RASSF8: variants seen among roughly 807,000 people sequenced by gnomAD.
The protein encoded by RASSF8 is Ras association domain family member 8.
A neutral mutation model predicts 48.5 loss-of-function variants in RASSF8; 22 were observed. The observed-to-expected ratio is 0.45, with a 90% CI of 0.32 to 0.65. The LOEUF (loss-of-function observed/expected upper bound fraction) is 0.65. Among genes scored for constraint, RASSF8 ranks in the 30% least tolerant of loss-of-function variants. The probability of loss-of-function intolerance (pLI) is 0.03; values close to 1 mark genes in which losing one functional copy is unlikely to be tolerated. For synonymous variants in RASSF8, 127 were observed against 171.5 expected, an observed-to-expected ratio of 0.74 and a Z score of 2.03; for missense variants, 418 against 489.2, an observed-to-expected ratio of 0.85 and a Z score of 1.37.
chr12:25,963,505 C>T (rs1018865071), intron 1 of RASSF8, among the ~76,000 whole-genome samples: 1 of 152,124 alleles, frequency 6.6e-6, no homozygotes, highest in Non-Finnish European at 1.5e-5. Context: ...CTGCATTTTT[C>T]TCTTGACTTG....
At chr12:26,004,936 C>G (rs925851514) in intron 2 of RASSF8, among the ~76,000 whole-genome samples, 2 of 152,068 alleles carry the variant, frequency 1.3e-5, no homozygotes, top group African/African-American at 4.8e-5. Flanking sequence ...GAAGGGTCAC[C>G]TGAGGCCATG....
chr12:26,071,603 CCTT>C lies in RASSF8; in HGVS notation c.*2788_*2790del, dbSNP rs989430009. ...ATAGTGTCCATAGTCCCTTTCTTGT[CCTT>C]CTGAGATATTTTGGTTTGATAACAT... On this transcript the variant is annotated 3_prime_UTR_variant, in exon 6 of 6. Transcript: ENST00000689635. The C allele has an allele frequency of 2.0e-6, 2 of 984,956 alleles. No individual in the cohort carries two copies. Among genetic ancestry groups the C allele is most frequent in the African/African-American group, 1.7e-5 (1 of 57,200 alleles). The allele number at this position is 984,956 out of a possible 1,614,324, so 61.0% of individuals were successfully genotyped here. A position where few individuals can be genotyped will look rare whatever the true frequency, so the allele number is the denominator to read the frequency against.
intron 4 of RASSF8, among the ~76,000 whole-genome samples, chr12:26,067,280 A>G (rs1332212077): frequency 2.0e-5 from 3 of 152,206 alleles, no homozygotes; most frequent in Non-Finnish European, 4.4e-5. Flanking sequence ...GTTTATAGAC[A>G]TATTTATTTC....
rs760088159 is a variant in RASSF8 at position 26,068,765 on chromosome 12, A to G, written c.1207A>G (p.Ile403Val). 26 of 1,537,136 alleles carry G rather than the reference A, an allele frequency of 1.7e-5. No homozygotes were observed. In the Admixed American group the frequency reaches 2.0e-4, roughly 12 times the overall value. Reference protein sequence around the residue: ...SSRQLPSNLRILQNPISSGFN... With the variant: ...SSRQLPSNLRVLQNPISSGFN... ...TCGGCAGCTCCCCAGTAATCTCCGC[A>G]TTCTGCAGAATCCTATCTCATCTGG... The change falls in exon 6 of 6, where the codon ATT becomes GTT. Residue 403 changes from isoleucine (I) to valine (V), a missense_variant. Ile to Val is a conservative substitution (Grantham distance 29). Coordinates refer to ENST00000689635, the MANE Select transcript of RASSF8 (RefSeq NM_001394098.1).
Position 26,065,270 on chromosome 12 carries a change from AG to A in RASSF8, c.878del (p.Gly293GlufsTer18). ...EAQVNEEEVK[G>X]KIGKVKGEID... ...CACAGGTCAATGAGGAAGAGGTTAA[AG>A]GAAAGATCGGTAAGGTCAAAGGGGA... On this transcript the variant is annotated frameshift_variant, in exon 4 of 6. Coordinates refer to ENST00000689635, the MANE Select transcript of RASSF8 (RefSeq NM_001394098.1). LOFTEE classifies it high-confidence loss of function. The A allele has an allele frequency of 6.2e-7, 1 of 1,614,196 alleles. No individual in the cohort carries two copies. Among genetic ancestry groups the A allele is most frequent in the South Asian group, 1.1e-5 (1 of 91,076 alleles).
At chr12:26,008,660 G>C (rs1423153266) in intron 2 of RASSF8, among the ~76,000 whole-genome samples, 1 of 152,108 alleles carries the variant, frequency 6.6e-6, no homozygotes, top group Non-Finnish European at 1.5e-5. Context: ...TAATATTTGT[G>C]TTCTCATTTG....
chr12:25,975,901 G>A lies in RASSF8; in HGVS notation c.-203+16753G>A, dbSNP rs116692732. 8.6e-3 allele frequency among the ~76,000 whole-genome samples: 1,314 copies of A among 152,264 alleles called. 17 individuals are homozygous for A. The highest frequency in any genetic ancestry group is 0.029 in the African/African-American group (1,214 of 41,544). Reference sequence around the variant, plus strand: ...TGGTGGCTGACCCTGGAGCATGGATGTACAGAGTACCTTTGGGAAGCAGCA... The same window carrying A: ...TGGTGGCTGACCCTGGAGCATGGATATACAGAGTACCTTTGGGAAGCAGCA... On this transcript the variant is annotated intron_variant, in intron 1 of 5. Transcript: ENST00000689635.
chr12:25,964,812 AT>A (rs1941318564), intron 1 of RASSF8, among the ~76,000 whole-genome samples: 1 of 152,172 alleles, frequency 6.6e-6, no homozygotes, highest in Non-Finnish European at 1.5e-5. Flanking sequence ...AAATTTGTTC[AT>A]TTCTATGGGA....
intron 1 of RASSF8, among the ~76,000 whole-genome samples, chr12:25,984,492 A>T (rs187301604): frequency 2.6e-5 from 4 of 152,118 alleles, no homozygotes; most frequent in Non-Finnish European, 5.9e-5. Context: ...ACAGGCGCAC[A>T]CCGCTATGCC....
rs747676849 is a variant in RASSF8, at chr12:26,072,105, G to A, written c.*3287G>A. The A allele has an allele frequency of 5.7e-4, 560 of 985,366 alleles. 1 individual carries two copies. Among genetic ancestry groups the A allele is most frequent in the Non-Finnish European group, 6.4e-4 (528 of 829,872 alleles). 61.0% of individuals were successfully genotyped at this position (985,366 alleles called of 1,614,324 possible). A position where few individuals can be genotyped will look rare whatever the true frequency, so the allele number is the denominator to read the frequency against. ...CTTGGGCAGATGGACAGTTCCCATT[G>A]TGCATTGCCTTTGATAAATTTGGCC... On this transcript the variant is annotated 3_prime_UTR_variant, in exon 6 of 6. Coordinates refer to ENST00000689635, the MANE Select transcript of RASSF8 (RefSeq NM_001394098.1).
Position 26,012,769 on chromosome 12 carries a change from C to T in RASSF8, c.-109+17639C>T, listed in dbSNP as rs375139138. On this transcript the variant is annotated intron_variant, in intron 2 of 5. Transcript: ENST00000689635. ...GAACATAGCTCACTGGAGCCTTGAACTCCTGGGCTCCATCAGTCCTCCTGT... is the reference window on the plus strand; with the variant it reads ...GAACATAGCTCACTGGAGCCTTGAATTCCTGGGCTCCATCAGTCCTCCTGT... Among the ~76,000 whole-genome samples, 131 of 150,236 alleles carry T rather than the reference C, an allele frequency of 8.7e-4. No individual in the cohort carries two copies. In the Middle Eastern group the frequency reaches 0.024, roughly 27 times the overall value.
chr12:26,026,245 G>T (rs1942910204), intron 2 of RASSF8, among the ~76,000 whole-genome samples: 1 of 152,116 alleles, frequency 6.6e-6, no homozygotes, highest in South Asian at 2.1e-4. Flanking sequence ...TGTTTTTAGA[G>T]TATATAAGAA....
chr12:26,058,238 T>C (rs559253506), intron 3 of RASSF8, among the ~76,000 whole-genome samples: 6 of 152,370 alleles, frequency 3.9e-5, no homozygotes, highest in African/African-American at 9.6e-5. Flanking sequence ...AAATACTTCA[T>C]TGAACTCAGA....
intron 2 of RASSF8, among the ~76,000 whole-genome samples, chr12:26,001,975 T>C (rs1242706943): frequency 6.6e-6 from 1 of 152,192 alleles, no homozygotes; most frequent in Non-Finnish European, 1.5e-5. Flanking sequence ...ACTTGAGTAA[T>C]GAATGCATTG....
intron 2 of RASSF8, among the ~76,000 whole-genome samples, chr12:26,048,326 G>A (rs1174639173): frequency 6.6e-6 from 1 of 152,178 alleles, no homozygotes; most frequent in Non-Finnish European, 1.5e-5. Flanking sequence ...GCCTTCACCA[G>A]GTAGAACCAA....
At chr12:26,031,702 C>T (rs1943033585) in intron 2 of RASSF8, among the ~76,000 whole-genome samples, 1 of 152,122 alleles carries the variant, frequency 6.6e-6, no homozygotes. Flanking sequence ...CTTCTAAAGG[C>T]ACTTGTTAGG....
At chr12:26,038,608 A>AACACAC (rs57536643) in intron 2 of RASSF8, among the ~76,000 whole-genome samples, 7,929 of 144,784 alleles carry the variant, frequency 0.055, 279 homozygotes, top group Non-Finnish European at 0.075. Flanking sequence ...TTCTTATTAA[A>AACACAC]ACACACACAC....
chr12:26,022,720 G>A (rs1942815247), intron 2 of RASSF8, among the ~76,000 whole-genome samples: 1 of 151,678 alleles, frequency 6.6e-6, no homozygotes, highest in African/African-American at 2.4e-5. Context: ...TTTACTAAAG[G>A]GGCTCCACAG....
At chr12:26,051,531 A>G (rs1943489936) in intron 2 of RASSF8, among the ~76,000 whole-genome samples, 1 of 152,188 alleles carries the variant, frequency 6.6e-6, no homozygotes, top group Non-Finnish European at 1.5e-5. Flanking sequence ...TTTATATTTA[A>G]TATGCAATAA....
Sources: allele counts gnomAD v4.1 joint callset (sites outside exome capture counted in the v4.1 genomes callset), GRCh38; gene constraint gnomAD v4.1.1; transcripts MANE v1.5; gene names NCBI Gene and HGNC (gene_info 2026-07-23, HGNC 2026-07-21).